NXPE4: variants seen among roughly 807,000 people sequenced by gnomAD.
NXPE4 encodes neurexophilin and PC-esterase domain family member 4, also known as NXPE family member 4.
NXPE4 carries 42 observed loss-of-function variants against 33.3 expected under a neutral mutation model. That is an observed-to-expected ratio of 1.26 (90% CI 0.98 to 1.63). The LOEUF (loss-of-function observed/expected upper bound fraction) is 1.63, where lower values mean the gene tolerates loss of function less well. NXPE4 is among the 40% of genes most tolerant of loss of function. The pLI is 0.00. For synonymous variants in NXPE4, 253 were observed against 234.9 expected (o/e 1.08, Z -0.71); for missense variants, 709 against 647.6 (o/e 1.09, Z -1.03).
At chr11:114,633,545 G>T in the NXPE4 span, among the ~76,000 whole-genome samples, 1 of 151,082 alleles carries the variant, frequency 6.6e-6, no homozygotes, top group Non-Finnish European at 1.5e-5. Context: ...CATGTGCCAT[G>T]CTTGTGTGCT....
the NXPE4 span, among the ~76,000 whole-genome samples, chr11:114,637,822 C>T: frequency 4.6e-5 from 7 of 152,000 alleles, no homozygotes; most frequent in African/African-American, 1.7e-4. Flanking sequence ...AGAGTTTCTG[C>T]CAAGAGATCT....
At chr11:114,631,996 C>T in the NXPE4 span, among the ~76,000 whole-genome samples, 7 of 148,274 alleles carry the variant, frequency 4.7e-5, no homozygotes, top group South Asian at 1.1e-3. Flanking sequence ...TCATAGGTAA[C>T]AGCTACTATT....
the NXPE4 span, among the ~76,000 whole-genome samples, chr11:114,653,945 T>G: frequency 6.6e-6 from 1 of 152,062 alleles, no homozygotes; most frequent in African/African-American, 2.4e-5. Context: ...TCTTGAAACA[T>G]GAGTTCCAGT....
the NXPE4 span, among the ~76,000 whole-genome samples, chr11:114,608,976 G>C: frequency 6.6e-6 from 1 of 150,988 alleles, no homozygotes; most frequent in South Asian, 2.1e-4. Context: ...GTGTTGCCTC[G>C]TGGGTAACCA....
rs369261047 is a variant in NXPE4, at chr11:114,573,845, C to A, written c.1100-2372G>T. On this transcript the variant is annotated intron_variant, in intron 5 of 5. Coordinates refer to ENST00000375478, the MANE Select transcript of NXPE4 (RefSeq NM_001077639.2). ...AAAGAAATAATGGACTTAAACTATACCCTAAAACAAATGAACTTAACAGAT... is the reference window on the plus strand; with the variant it reads ...AAAGAAATAATGGACTTAAACTATAACCTAAAACAAATGAACTTAACAGAT... Among the ~76,000 whole-genome samples, 28 of 152,088 alleles carry A rather than the reference C, an allele frequency of 1.8e-4. No homozygotes were observed. The South Asian group carries it at 2.7e-3, about 15-fold the overall frequency.
At chr11:114,651,202 C>T in the NXPE4 span, among the ~76,000 whole-genome samples, 1 of 152,008 alleles carries the variant, frequency 6.6e-6, no homozygotes, top group Non-Finnish European at 1.5e-5. Context: ...TTGAGTGTTA[C>T]AGTTCTTAAA....
the NXPE4 span, among the ~76,000 whole-genome samples, chr11:114,612,307 G>T: frequency 6.7e-6 from 1 of 150,320 alleles, no homozygotes; most frequent in Non-Finnish European, 1.5e-5. Flanking sequence ...GTATTGCCTC[G>T]CAGGTAACCA....
chr11:114,630,446 G>A, the NXPE4 span, among the ~76,000 whole-genome samples: 1 of 151,712 alleles, frequency 6.6e-6, no homozygotes, highest in Admixed American at 6.6e-5. Context: ...TTAATAAATG[G>A]TGCTGGGAAA....
At chr11:114,613,327 C>T in the NXPE4 span, among the ~76,000 whole-genome samples, 1 of 151,856 alleles carries the variant, frequency 6.6e-6, no homozygotes, top group South Asian at 2.1e-4. Context: ...ACCACTGTTA[C>T]CCGATGGATA....
chr11:114,633,381 TTATATTA>T, the NXPE4 span, among the ~76,000 whole-genome samples: 19 of 144,210 alleles, frequency 1.3e-4, no homozygotes, highest in Admixed American at 2.9e-4. Context: ...ATATTATGTA[TTATATTA>T]TATATTATAT....
chr11:114,665,034 C>G, the NXPE4 span, among the ~76,000 whole-genome samples: 1 of 152,078 alleles, frequency 6.6e-6, no homozygotes, highest in African/African-American at 2.4e-5. Flanking sequence ...GAACATAACC[C>G]CATGTAAGCT....
At chr11:114,670,530 A>G in the NXPE4 span, among the ~76,000 whole-genome samples, 7 of 151,968 alleles carry the variant, frequency 4.6e-5, no homozygotes, top group East Asian at 1.4e-3. Flanking sequence ...CATCTCTACA[A>G]AAAATTAAAG....
the NXPE4 span, among the ~76,000 whole-genome samples, chr11:114,635,841 T>C: frequency 6.6e-6 from 1 of 152,112 alleles, no homozygotes; most frequent in Non-Finnish European, 1.5e-5. Context: ...GATAAGCTTT[T>C]TGATGTGTTG....
the NXPE4 span, among the ~76,000 whole-genome samples, chr11:114,634,787 T>G: frequency 1.3e-4 from 20 of 152,140 alleles, no homozygotes; most frequent in Middle Eastern, 6.8e-3. Flanking sequence ...TATGTGGCAT[T>G]ATTTCTGAGG....
chr11:114,601,675 A>G, the NXPE4 span, among the ~76,000 whole-genome samples: 1 of 37,302 alleles, frequency 2.7e-5, no homozygotes, highest in African/African-American at 1.4e-4. Context: ...TATATATTAT[A>G]ATTATAGATT....
upstream of NXPE4, among the ~76,000 whole-genome samples, chr11:114,596,281 A>G (rs1949571593): frequency 6.6e-6 from 1 of 152,192 alleles, no homozygotes; most frequent in African/African-American, 2.4e-5. Flanking sequence ...ATGGGTTTGA[A>G]TCCATCTGGG....
At chr11:114,616,963 C>T in the NXPE4 span, among the ~76,000 whole-genome samples, 24 of 144,324 alleles carry the variant, frequency 1.7e-4, no homozygotes, top group African/African-American at 3.8e-4. Context: ...CACTCTTACC[C>T]GGTTTATTAT....
At chr11:114,576,278 G>A (rs912478124) in intron 5 of NXPE4, among the ~76,000 whole-genome samples, 3 of 152,102 alleles carry the variant, frequency 2.0e-5, no homozygotes, top group Non-Finnish European at 4.4e-5. Flanking sequence ...AACCCTTCTA[G>A]ACACTGGCTT....
At chr11:114,646,236 T>C in the NXPE4 span, among the ~76,000 whole-genome samples, 3 of 152,010 alleles carry the variant, frequency 2.0e-5, no homozygotes, top group East Asian at 3.8e-4. Context: ...TTTCAGCAGA[T>C]AGCCTTTTAA....
Sources: gnomAD v4.1 joint callset for allele counts (sites outside exome capture counted in the v4.1 genomes callset) on GRCh38, gnomAD v4.1.1 for gene constraint, MANE v1.5 for transcripts, NCBI Gene and HGNC (gene_info 2026-07-23, HGNC 2026-07-21) for gene names.